Variants in GPHN observed in about 807,000 individuals in gnomAD.
The protein encoded by GPHN is gephyrin.
A neutral mutation model predicts 95.5 loss-of-function variants in GPHN; 17 were observed. That is an observed-to-expected ratio of 0.18 (90% CI 0.12 to 0.27). The LOEUF (loss-of-function observed/expected upper bound fraction) is 0.27, where lower values mean the gene tolerates loss of function less well. GPHN is among the 10% of genes least tolerant of loss of function. The pLI is 1.00. For missense variants in GPHN, 660 were observed against 978.1 expected, an observed-to-expected ratio of 0.67 and a Z score of 4.34; for synonymous variants, 320 against 322.5, an observed-to-expected ratio of 0.99 and a Z score of 0.08.
At chr14:66,688,678 A>T (rs1425585800) in intron 2 of GPHN, among the ~76,000 whole-genome samples, 3 of 152,162 alleles carry the variant, frequency 2.0e-5, no homozygotes, top group African/African-American at 7.2e-5. Flanking sequence ...TCCAATTTGG[A>T]TGCCCTTTAA....
chr14:67,490,392 G>A, the GPHN span, among the ~76,000 whole-genome samples: 1 of 152,184 alleles, frequency 6.6e-6, no homozygotes, highest in Admixed American at 6.5e-5. Context: ...GGAAGACTGG[G>A]GCAGGAACAG....
intron 11 of GPHN, among the ~76,000 whole-genome samples, chr14:67,081,887 T>C (rs936264573): frequency 6.6e-6 from 1 of 152,214 alleles, no homozygotes; most frequent in Non-Finnish European, 1.5e-5. Flanking sequence ...TTTGTTTGCT[T>C]TGTCAACGAT....
chr14:67,720,855 T>C, the GPHN span: 4 of 152,236 alleles, frequency 2.6e-5, no homozygotes, highest in Non-Finnish European at 5.9e-5. Flanking sequence ...CAGAGGACTG[T>C]ATGCTGTTCT....
At chr14:67,138,887 CTTTT>C (rs34446302) in intron 17 of GPHN, among the ~76,000 whole-genome samples, 5 of 94,684 alleles carry the variant, frequency 5.3e-5, no homozygotes, top group South Asian at 4.0e-4. Context: ...GCATCCTCTC[CTTTT>C]TTTTTTTTTT....
chr14:66,913,997 A>T (rs957339802), intron 5 of GPHN, among the ~76,000 whole-genome samples: 3 of 152,146 alleles, frequency 2.0e-5, no homozygotes, highest in African/African-American at 7.2e-5. Flanking sequence ...CTTCAAAGAG[A>T]TCAGGGAAAT....
chr14:67,392,454 C>T, the GPHN span: 2 of 1,549,034 alleles, frequency 1.3e-6, no homozygotes, highest in Non-Finnish European at 1.8e-6. Context: ...AGCAAGGACT[C>T]TGCTACAGAA....
At chr14:67,532,401 C>G in the GPHN span, among the ~76,000 whole-genome samples, 1 of 152,078 alleles carries the variant, frequency 6.6e-6, no homozygotes, top group East Asian at 1.9e-4. Context: ...CTGCAATGGT[C>G]TCTATTTGCA....
chr14:67,155,687 AG>A (rs2081542746), intron 18 of GPHN, among the ~76,000 whole-genome samples: 1 of 152,158 alleles, frequency 6.6e-6, no homozygotes, highest in Non-Finnish European at 1.5e-5. Flanking sequence ...TAAGAAGGAG[AG>A]GGGAGACAGA....
chr14:66,578,775 A>G (rs1319056275), intron 1 of GPHN, among the ~76,000 whole-genome samples: 1 of 151,644 alleles, frequency 6.6e-6, no homozygotes, highest in African/African-American at 2.4e-5. Flanking sequence ...TCCCAGACAA[A>G]TAAGAACTGA....
rs141563042 is a variant in GPHN at position 66,684,858 on chromosome 14, G to A, written c.143+3673G>A. ...GTTGGTGTGCTGCACTCATTAACTC[G>A]TCATTTACATTAGGTATATCTCCTA... On this transcript the variant is annotated intron_variant, in intron 2 of 22. Coordinates refer to ENST00000478722, the MANE Select transcript of GPHN (RefSeq NM_020806.5). 4.2e-3 allele frequency among the ~76,000 whole-genome samples: 640 copies of A among 151,792 alleles called. 3 individuals are homozygous for A. Among genetic ancestry groups the A allele is most frequent in the Non-Finnish European group, 7.5e-3 (507 of 67,972 alleles).
At chr14:66,727,343 TA>T (rs1185500197) in intron 2 of GPHN, among the ~76,000 whole-genome samples, 2 of 152,038 alleles carry the variant, frequency 1.3e-5, no homozygotes, top group Non-Finnish European at 2.9e-5. Flanking sequence ...TTGGTACCAG[TA>T]GTGTGGGGTG....
At chr14:67,272,966 G>A in the GPHN span, among the ~76,000 whole-genome samples, 3 of 152,036 alleles carry the variant, frequency 2.0e-5, no homozygotes, top group Non-Finnish European at 4.4e-5. Flanking sequence ...GAGCCACCAC[G>A]CCTGGCCTGT....
At chr14:67,606,620 GC>G in the GPHN span, among the ~76,000 whole-genome samples, 1 of 151,780 alleles carries the variant, frequency 6.6e-6, no homozygotes, top group African/African-American at 2.4e-5. Context: ...AGGTAAAAAA[GC>G]CCTGGTTTTT....
intron 1 of GPHN, among the ~76,000 whole-genome samples, chr14:66,668,492 G>A (rs1221032980): frequency 1.3e-5 from 2 of 152,162 alleles, no homozygotes; most frequent in Non-Finnish European, 2.9e-5. Flanking sequence ...GGACACGGAT[G>A]GAGCTGGAAG....
At chr14:66,629,982 A>G (rs952363419) in intron 1 of GPHN, among the ~76,000 whole-genome samples, 2 of 152,150 alleles carry the variant, frequency 1.3e-5, no homozygotes, top group African/African-American at 4.8e-5. Context: ...CTGGATGTTA[A>G]CCGTAACATT....
the GPHN span, among the ~76,000 whole-genome samples, chr14:67,499,179 T>A: frequency 6.6e-5 from 10 of 151,858 alleles, no homozygotes; most frequent in African/African-American, 2.4e-4. Flanking sequence ...ATTTCTTAAT[T>A]TTTTTGTAGA....
the GPHN span, among the ~76,000 whole-genome samples, chr14:67,663,904 C>T: frequency 8.5e-5 from 13 of 152,158 alleles, no homozygotes; most frequent in African/African-American, 3.1e-4. Context: ...TGGGACCTCA[C>T]ATTCTCCTTC....
Position 66,621,367 on chromosome 14 carries a change from G to A in GPHN, c.65-59740G>A, listed in dbSNP as rs563324295. 2.7e-5 allele frequency among the ~76,000 whole-genome samples: 4 copies of A among 150,862 alleles called. No homozygotes were observed. The South Asian group carries it at 6.3e-4, about 24-fold the overall frequency. ...CCTGACCTCGTGATCCACCTGCCTCGGCCTCCCAAAGTGCTGGGATTACAG... is the reference window on the plus strand; with the variant it reads ...CCTGACCTCGTGATCCACCTGCCTCAGCCTCCCAAAGTGCTGGGATTACAG... On this transcript the variant is annotated intron_variant, in intron 1 of 22. Coordinates refer to ENST00000478722, the MANE Select transcript of GPHN (RefSeq NM_020806.5).
intron 1 of GPHN, among the ~76,000 whole-genome samples, chr14:66,649,369 A>AC (rs2153363673): frequency 6.7e-6 from 1 of 150,160 alleles, no homozygotes; most frequent in South Asian, 2.1e-4. Flanking sequence ...GGGGTCCCCG[A>AC]CCCCCGGACC....
Sources: gnomAD v4.1 joint callset for allele counts (sites outside exome capture counted in the v4.1 genomes callset) on GRCh38, gnomAD v4.1.1 for gene constraint, MANE v1.5 for transcripts, NCBI Gene and HGNC (gene_info 2026-07-23, HGNC 2026-07-21) for gene names.